Variants in TAPBPL observed in about 807,000 individuals in gnomAD.
The protein encoded by TAPBPL is TAP binding protein like, also known as tapasin-related protein.
Under a neutral mutation model 44.8 loss-of-function variants are expected in TAPBPL, and 32 were observed. The ratio of observed to expected loss-of-function variants is 0.71; its 90% CI spans 0.54 to 0.96. The LOEUF is 0.96. Among genes scored for constraint, TAPBPL ranks in the 40% least tolerant of loss-of-function variants. TAPBPL has a pLI of 0.00. For missense variants in TAPBPL, 520 were observed against 586.6 expected, an observed-to-expected ratio of 0.89 and a Z score of 1.17; for synonymous variants, 230 against 240.7, an observed-to-expected ratio of 0.96 and a Z score of 0.41.
In TAPBPL at chr12:6,453,320, C is replaced by A; in HGVS notation, c.295+23C>A. ...CAGGTAAAAGCCTTCCACCTGTGTC[C>A]TTGGTCCTCCCGGGCTCCCTCCACC... On this transcript the variant is annotated intron_variant, in intron 2 of 6. Coordinates refer to ENST00000266556, the MANE Select transcript of TAPBPL (RefSeq NM_018009.5). The surrounding 1 kb of genome is among the most constrained non-coding windows in gnomAD (Gnocchi z 4.8). 1 of 1,612,452 alleles carries A rather than the reference C, an allele frequency of 6.2e-7. No individual in the cohort carries two copies. The highest frequency in any genetic ancestry group is 1.1e-5 in the South Asian group (1 of 90,860).
intron 4 of TAPBPL, 69 bp downstream of exon 4, chr12:6,457,813 G>T (rs1949740724): frequency 7.0e-7 from 1 of 1,424,950 alleles, no homozygotes; most frequent in East Asian, 2.5e-5. Flanking sequence ...TTCCAGATTG[G>T]GACCCAAATG....
chr12:6,470,633 G>T, downstream of TAPBPL: 5 of 1,512,302 alleles, frequency 3.3e-6, no homozygotes, highest in Non-Finnish European at 4.6e-6. Context: ...GCCAAGCTCC[G>T]CCTCGCGCCG....
downstream of TAPBPL, chr12:6,463,005 C>T (rs1401711098): frequency 1.3e-6 from 2 of 1,549,752 alleles, no homozygotes; most frequent in South Asian, 2.4e-5. This position sits in a 1 kb window ranked among gnomAD's most constrained non-coding sequence, Gnocchi z 4.0. Context: ...AATAAAGGGC[C>T]ATGGGCATTC....
downstream of TAPBPL, chr12:6,463,386 G>A (rs753592386): frequency 4.7e-6 from 5 of 1,070,888 alleles, no homozygotes; most frequent in Non-Finnish European, 5.7e-6. This position sits in a 1 kb window ranked among gnomAD's most constrained non-coding sequence, Gnocchi z 4.0. Context: ...CCGGGCCCCA[G>A]GAAGAACCAC....
At chr12:6,470,611 G>C (rs1243873842), downstream of TAPBPL, 6 of 1,589,682 alleles carry the variant, frequency 3.8e-6, no homozygotes, top group Non-Finnish European at 5.2e-6. Context: ...TGCGGCTGAA[G>C]TGGACGGAAC....
At chr12:6,470,605 G>A (rs902829945), downstream of TAPBPL, 5 of 1,596,002 alleles carry the variant, frequency 3.1e-6, no homozygotes, top group South Asian at 5.5e-5. Context: ...GGACGCTGCG[G>A]CTGAAGTGGA....
downstream of TAPBPL, chr12:6,465,822 G>A: frequency 6.2e-7 from 1 of 1,612,974 alleles, no homozygotes; most frequent in South Asian, 1.1e-5. Context: ...AAAGATGGAG[G>A]AGGGGACAAG....
chr12:6,462,810 C>T (rs369221825), downstream of TAPBPL: 398 of 1,601,578 alleles, frequency 2.5e-4, no homozygotes, highest in Non-Finnish European at 3.2e-4. Context: ...TGGGAGGGTA[C>T]TGACTGCTTT....
rs1305349809 is a variant in TAPBPL, at chr12:6,452,199, G to C, written c.-50G>C. Reference sequence around the variant, plus strand: ...TCCGCCGGGCCTCGCAAGCAGCGTAGGACTGTGGAGAAGGGCGGTGGGCAA... The same window carrying C: ...TCCGCCGGGCCTCGCAAGCAGCGTACGACTGTGGAGAAGGGCGGTGGGCAA... On this transcript the variant is annotated 5_prime_UTR_variant, in exon 1 of 7. Coordinates refer to ENST00000266556, the MANE Select transcript of TAPBPL (RefSeq NM_018009.5). 3 of 1,554,244 alleles carry C rather than the reference G, an allele frequency of 1.9e-6. No individual in the cohort carries two copies. Among genetic ancestry groups the C allele is most frequent in the Non-Finnish European group, 2.6e-6 (3 of 1,148,156 alleles).
At chr12:6,465,730 G>T, downstream of TAPBPL, 1 of 1,407,534 alleles carries the variant, frequency 7.1e-7, no homozygotes, top group Non-Finnish European at 9.6e-7. Flanking sequence ...GCGTTATGCT[G>T]GTCAGAGAGA....
Position 6,457,436 on chromosome 12 carries a change from C to A in TAPBPL, c.596C>A (p.Ser199Tyr). The A allele has an allele frequency of 6.2e-7, 1 of 1,614,180 alleles. No homozygotes were observed. The highest frequency in any genetic ancestry group is 8.5e-7 in the Non-Finnish European group (1 of 1,180,006). Residue 199 changes from serine (S) to tyrosine (Y), a missense_variant, in exon 4 of 7, where the codon TCC becomes TAC. By Grantham distance (144) the Ser-to-Tyr change is moderately radical. Transcript: ENST00000266556. ...VEFQVMTQTQ[S>Y]LSFLLGSSAS... The stretch of plus-strand genomic sequence containing the variant: ...TTCCAGGTGATGACACAGACCCAAT[C>A]CCTGAGCTTCCTGCTGGGGTCCTCA...
At chr12:6,463,091 A>G, downstream of TAPBPL, 1 of 1,525,930 alleles carries the variant, frequency 6.6e-7, no homozygotes, top group Non-Finnish European at 8.8e-7. This position sits in a 1 kb window ranked among gnomAD's most constrained non-coding sequence, Gnocchi z 4.0. Context: ...CCTGAAGCTC[A>G]GCAATTGCCC....
At chr12:6,456,380 T>TTC (rs1949702913) in intron 3 of TAPBPL, among the ~76,000 whole-genome samples, 1 of 151,586 alleles carries the variant, frequency 6.6e-6, no homozygotes, top group Non-Finnish European at 1.5e-5. Flanking sequence ...TTTTTTTTTT[T>TTC]CGATATGGAG....
At chr12:6,465,707 GATT>G (rs1260900824), downstream of TAPBPL, 1 of 1,267,778 alleles carries the variant, frequency 7.9e-7, no homozygotes, top group African/African-American at 1.5e-5. Flanking sequence ...AGGCTTTCCA[GATT>G]TCCTCCCAAG....
At chr12:6,465,354 A>T (rs1258917822), downstream of TAPBPL, 7 of 302,804 alleles carry the variant, frequency 2.3e-5, no homozygotes, top group African/African-American at 1.3e-4. Context: ...AGAAAAAGAA[A>T]AAAGTATATA....
At position 6,453,511 on chromosome 12, in the gene TAPBPL, G is replaced by A. The variant is rs1411010862; in HGVS notation, c.360G>A (p.Val120=). Residue 120 remains valine (V), a synonymous_variant, in exon 3 of 7, where the codon GTG becomes GTA. Coordinates refer to ENST00000266556, the MANE Select transcript of TAPBPL (RefSeq NM_018009.5). The surrounding 1 kb of genome is among the most constrained non-coding windows in gnomAD (Gnocchi z 4.8). ...ATGCTGACTGCAGTGGGAAGGAGGT[G>A]ACCTGTGAGATCTCCCGCTACTTTC... ...LLHADCSGKE[V]TCEISRYFLQ... is the part of the protein sequence containing the mutation. 2 of 1,614,050 alleles carry A rather than the reference G, an allele frequency of 1.2e-6. No individual in the cohort carries two copies. Among genetic ancestry groups the A allele is most frequent in the African/African-American group, 2.7e-5 (2 of 74,924 alleles).
rs777112754 is a variant in TAPBPL at position 6,458,734 on chromosome 12, G to A, written c.994G>A (p.Val332Met). 3.1e-6 allele frequency: 5 copies of A among 1,614,156 alleles called. No individual in the cohort carries two copies. The East Asian group carries it at 1.1e-4, about 36-fold the overall frequency. ...TGCTGGCTATTACCCTCTGGATGTG[G>A]TGGTGACGTGGACCCGAGAGGAGCT... Reference protein sequence around the residue: ...DIAGYYPLDVVVTWTREELGG... With the variant: ...DIAGYYPLDVMVTWTREELGG... Residue 332 changes from valine (V) to methionine (M), a missense_variant, in exon 5 of 7, where the codon GTG becomes ATG. Physicochemically the swap from Val to Met is conservative, Grantham distance 21. Transcript: ENST00000266556.
downstream of TAPBPL, chr12:6,464,203 G>C (rs533578309): frequency 3.4e-6 from 5 of 1,485,230 alleles, no homozygotes; most frequent in South Asian, 4.8e-5. Context: ...TGGGGCTTTG[G>C]GGGAACTTGA....
downstream of TAPBPL, chr12:6,464,239 G>A (rs932792362): frequency 8.6e-6 from 13 of 1,519,472 alleles, no homozygotes; most frequent in Non-Finnish European, 1.1e-5. Flanking sequence ...AGGCAGGGAG[G>A]AGGCGCCAGC....
Sources: gnomAD v4.1 joint callset for allele counts (sites outside exome capture counted in the v4.1 genomes callset) on GRCh38, gnomAD v4.1.1 for gene constraint, Gnocchi (gnomAD v3.1) non-coding constraint, MANE v1.5 for transcripts, NCBI Gene and HGNC (gene_info 2026-07-23, HGNC 2026-07-21) for gene names.